Variants in ELOVL6 observed in about 807,000 individuals in gnomAD.
The protein encoded by ELOVL6 is very long chain fatty acid elongase 6.
Under a neutral mutation model 31.7 loss-of-function variants are expected in ELOVL6, and 8 were observed. That is an observed-to-expected ratio of 0.25 (90% confidence interval 0.15 to 0.45). The LOEUF (loss-of-function observed/expected upper bound fraction) is 0.45, where lower values mean the gene tolerates loss of function less well. Among genes scored for constraint, ELOVL6 ranks in the 20% least tolerant of loss-of-function variants. ELOVL6 has a pLI of 1.00. For synonymous variants in ELOVL6, 101 were observed against 117.7 expected, an observed-to-expected ratio of 0.86 and a Z score of 0.92; for missense variants, 126 against 326.4, an observed-to-expected ratio of 0.39 and a Z score of 4.73.
intron 1 of ELOVL6, among the ~76,000 whole-genome samples, chr4:110,191,507 T>A (rs1759621608): frequency 1.3e-5 from 2 of 152,296 alleles, no homozygotes; most frequent in African/African-American, 4.8e-5. Flanking sequence ...TTCCTATTAA[T>A]AAAGGACAGT....
chr4:110,144,549 T>C (rs1487944488), intron 1 of ELOVL6, among the ~76,000 whole-genome samples: 1 of 152,092 alleles, frequency 6.6e-6, no homozygotes, highest in East Asian at 1.9e-4. Context: ...CCCATCAGAG[T>C]ACAGATGACT....
chr4:110,162,035 G>A (rs1313200559), intron 1 of ELOVL6, among the ~76,000 whole-genome samples: 1 of 152,178 alleles, frequency 6.6e-6, no homozygotes. Context: ...GAATTGTGTG[G>A]TTGGGGAAAG....
intron 1 of ELOVL6, among the ~76,000 whole-genome samples, chr4:110,138,546 T>A (rs921534946): frequency 7.2e-5 from 11 of 152,022 alleles, no homozygotes; most frequent in Non-Finnish European, 1.5e-4. Context: ...AGATGGAGAA[T>A]GAGAATGCCT....
chr4:110,108,885 C>T (rs1756956574), intron 1 of ELOVL6, among the ~76,000 whole-genome samples: 1 of 152,190 alleles, frequency 6.6e-6, no homozygotes, highest in Non-Finnish European at 1.5e-5. Flanking sequence ...TAAACCTAAG[C>T]ATCTGCTATA....
At chr4:110,074,470 T>C (rs969933635) in intron 2 of ELOVL6, among the ~76,000 whole-genome samples, 4 of 152,192 alleles carry the variant, frequency 2.6e-5, no homozygotes, top group African/African-American at 7.2e-5. Context: ...ACATTTTATA[T>C]GTGCCAGGCA....
intron 1 of ELOVL6, among the ~76,000 whole-genome samples, chr4:110,112,256 A>G (rs1757053850): frequency 6.6e-6 from 1 of 152,238 alleles, no homozygotes; most frequent in African/African-American, 2.4e-5. Context: ...CTCTCGATCA[A>G]TGCACTGAAG....
At chr4:110,115,319 A>G (rs1757142058) in intron 1 of ELOVL6, among the ~76,000 whole-genome samples, 1 of 152,218 alleles carries the variant, frequency 6.6e-6, no homozygotes. Context: ...TAAGCTTGAG[A>G]AAAAACTGGC....
chr4:110,169,231 G>GT lies in ELOVL6; in HGVS notation c.89+29015dup, dbSNP rs1220071580. ...CACCCGACCCCAACAGAGTTTTGGG[G>GT]TTTTTTGTTTTGTTTTTTTTTTTTT... On this transcript the variant is annotated intron_variant, in intron 1 of 3. Transcript: ENST00000302274. Among the ~76,000 whole-genome samples the GT allele has an allele frequency of 6.4e-4, 75 of 116,480 alleles. 4 individuals are homozygous for GT. Among genetic ancestry groups the GT allele is most frequent in the East Asian group, 1.3e-3 (4 of 3,176 alleles). 76.4% of individuals were successfully genotyped at this position (116,480 alleles called of 152,430 possible).
intron 1 of ELOVL6, among the ~76,000 whole-genome samples, chr4:110,106,095 A>T (rs13435887): frequency 1.1e-4 from 16 of 152,024 alleles, no homozygotes; most frequent in Admixed American, 2.0e-4. Flanking sequence ...GGTGGCTCAC[A>T]CCTGTTATCC....
chr4:110,175,506 T>A (rs777467627), intron 1 of ELOVL6, among the ~76,000 whole-genome samples: 1 of 152,214 alleles, frequency 6.6e-6, no homozygotes, highest in African/African-American at 2.4e-5. Context: ...AATACTGACA[T>A]ATGTAAGTAA....
chr4:110,188,262 G>A (rs1759505263), intron 1 of ELOVL6, among the ~76,000 whole-genome samples: 1 of 152,188 alleles, frequency 6.6e-6, no homozygotes, highest in African/African-American at 2.4e-5. Flanking sequence ...CTGGCCTTAA[G>A]TATTCAGGAT....
At chr4:110,073,123 C>G (rs1049975607) in intron 2 of ELOVL6, among the ~76,000 whole-genome samples, 1 of 152,128 alleles carries the variant, frequency 6.6e-6, no homozygotes, top group Non-Finnish European at 1.5e-5. Flanking sequence ...TAAGGTCAAT[C>G]TGCTAGAATG....
chr4:110,064,255 C>G (rs1009616442), intron 2 of ELOVL6, among the ~76,000 whole-genome samples: 3 of 151,962 alleles, frequency 2.0e-5, no homozygotes, highest in African/African-American at 7.3e-5. Context: ...AGGTGGGGAT[C>G]ACCATCCTGA....
chr4:110,164,182 T>C (rs17612702), intron 1 of ELOVL6, among the ~76,000 whole-genome samples: 6,576 of 152,214 alleles, frequency 0.043, 213 homozygotes, highest in South Asian at 0.12. Context: ...AATTTCACAC[T>C]TAGAAATGGG....
intron 1 of ELOVL6, among the ~76,000 whole-genome samples, chr4:110,152,172 G>T (rs1322778701): frequency 6.6e-6 from 1 of 152,070 alleles, no homozygotes; most frequent in Non-Finnish European, 1.5e-5. Context: ...CTTAATATTG[G>T]TTGGGTTACC....
At chr4:110,103,486 C>T (rs1220485406) in intron 2 of ELOVL6, among the ~76,000 whole-genome samples, 1 of 151,744 alleles carries the variant, frequency 6.6e-6, no homozygotes, top group Non-Finnish European at 1.5e-5. Context: ...TGAATATAGA[C>T]AAAGAATCAA....
intron 1 of ELOVL6, among the ~76,000 whole-genome samples, chr4:110,164,302 C>T (rs1193043031): frequency 2.6e-5 from 4 of 152,096 alleles, no homozygotes; most frequent in Non-Finnish European, 4.4e-5. Context: ...TACACTGCTG[C>T]CCTGATGACA....
intron 2 of ELOVL6, among the ~76,000 whole-genome samples, chr4:110,097,802 A>G (rs2126242823): frequency 6.7e-6 from 1 of 149,230 alleles, no homozygotes; most frequent in African/African-American, 2.6e-5. Context: ...TTCAGAAAAA[A>G]AAAAAAAGGA....
chr4:110,126,617 C>A (rs943907903), intron 1 of ELOVL6, among the ~76,000 whole-genome samples: 1 of 152,138 alleles, frequency 6.6e-6, no homozygotes, highest in Non-Finnish European at 1.5e-5. Context: ...CATTTTTGAA[C>A]TAAGCATTTT....
Sources: allele counts gnomAD v4.1 joint callset (sites outside exome capture counted in the v4.1 genomes callset), GRCh38; gene constraint gnomAD v4.1.1; transcripts MANE v1.5; gene names NCBI Gene and HGNC (gene_info 2026-07-23, HGNC 2026-07-21).